The following CCDC102B variants were observed in gnomAD, a reference collection of about 807,000 sequenced individuals.
CCDC102B encodes coiled-coil domain-containing protein 102B.
A neutral mutation model predicts 57.4 loss-of-function variants in CCDC102B; 75 were observed. The observed-to-expected ratio is 1.31, with a 90% CI of 1.08 to 1.58. CCDC102B has a LOEUF of 1.58. CCDC102B is among the 40% of genes most tolerant of loss of function. The pLI is 0.00. For synonymous variants in CCDC102B, 206 were observed against 201.9 expected (o/e 1.02, Z -0.17); for missense variants, 636 against 582.6 (o/e 1.09, Z -0.94).
At chr18:68,775,115 C>T (rs1020163062) in intron 2 of CCDC102B, among the ~76,000 whole-genome samples, 1 of 150,876 alleles carries the variant, frequency 6.6e-6, no homozygotes, top group Non-Finnish European at 1.5e-5. Context: ...TTTTTTACAA[C>T]TGGAGATTAT....
intron 6 of CCDC102B, among the ~76,000 whole-genome samples, chr18:68,926,350 TTA>T (rs1408804782): frequency 6.6e-6 from 1 of 151,870 alleles, no homozygotes; most frequent in Non-Finnish European, 1.5e-5. Flanking sequence ...AAATTGTCTA[TTA>T]TGTTTTTGCA....
At chr18:68,940,019 T>C (rs180714278) in intron 6 of CCDC102B, among the ~76,000 whole-genome samples, 1 of 151,950 alleles carries the variant, frequency 6.6e-6, no homozygotes, top group East Asian at 1.9e-4. Context: ...ATTTCCATTT[T>C]TTCCAGGTCA....
At chr18:68,765,410 AGGAAAG>A (rs2034435496) in intron 2 of CCDC102B, among the ~76,000 whole-genome samples, 1 of 151,204 alleles carries the variant, frequency 6.6e-6, no homozygotes, top group African/African-American at 2.4e-5. Context: ...GAAGGAAGGA[AGGAAAG>A]AGAAAGAGAA....
chr18:68,761,200 T>A (rs1447946652), intron 2 of CCDC102B, among the ~76,000 whole-genome samples: 1 of 152,134 alleles, frequency 6.6e-6, no homozygotes, highest in African/African-American at 2.4e-5. Context: ...TCAAACAAAT[T>A]TCATGGCCTC....
At chr18:68,935,363 G>C (rs186451013) in intron 6 of CCDC102B, among the ~76,000 whole-genome samples, 1 of 152,102 alleles carries the variant, frequency 6.6e-6, no homozygotes, top group East Asian at 1.9e-4. Flanking sequence ...GGTAACAAGA[G>C]GAAGAGTGGA....
At chr18:68,977,867 T>A (rs543692305) in intron 6 of CCDC102B, among the ~76,000 whole-genome samples, 1 of 152,130 alleles carries the variant, frequency 6.6e-6, no homozygotes, top group South Asian at 2.1e-4. Flanking sequence ...AGTCTATTAA[T>A]CTTTGTTTTG....
At chr18:68,737,168 C>T (rs1320740014) in intron 2 of CCDC102B, among the ~76,000 whole-genome samples, 1 of 151,964 alleles carries the variant, frequency 6.6e-6, no homozygotes, top group African/African-American at 2.4e-5. Context: ...TTGAGTTTTA[C>T]CAGCAGGGGG....
chr18:68,880,838 T>G (rs1247732091), intron 5 of CCDC102B, among the ~76,000 whole-genome samples: 2 of 152,222 alleles, frequency 1.3e-5, no homozygotes, highest in African/African-American at 4.8e-5. Context: ...ATTGGAACAA[T>G]TATTTCTAAC....
chr18:69,032,408 C>T (rs1035551242), intron 7 of CCDC102B, among the ~76,000 whole-genome samples: 2 of 152,134 alleles, frequency 1.3e-5, no homozygotes, highest in Non-Finnish European at 2.9e-5. Context: ...ATTTTGTCTT[C>T]CTTTGGTGTT....
At chr18:68,782,589 G>A (rs562806826) in intron 2 of CCDC102B, among the ~76,000 whole-genome samples, 1 of 151,434 alleles carries the variant, frequency 6.6e-6, no homozygotes, top group East Asian at 1.9e-4. Flanking sequence ...AGCTTTTTTC[G>A]ATCTGGATCA....
At chr18:69,010,655 T>C (rs1158647604) in intron 6 of CCDC102B, among the ~76,000 whole-genome samples, 1 of 152,190 alleles carries the variant, frequency 6.6e-6, no homozygotes, top group Non-Finnish European at 1.5e-5. Flanking sequence ...GATTTCCTTT[T>C]GGGGGAAGGT....
At chr18:68,760,499 T>C (rs1249758358) in intron 2 of CCDC102B, among the ~76,000 whole-genome samples, 1 of 152,130 alleles carries the variant, frequency 6.6e-6, no homozygotes, top group Non-Finnish European at 1.5e-5. Flanking sequence ...ACACTTTTGT[T>C]GTACCAGGTG....
chr18:68,843,490 G>A (rs1284910529), intron 3 of CCDC102B, among the ~76,000 whole-genome samples: 1 of 151,872 alleles, frequency 6.6e-6, no homozygotes, highest in African/African-American at 2.4e-5. Flanking sequence ...CAATTATTGT[G>A]GAATTGTGAC....
At chr18:68,826,828 C>A (rs2036922183) in intron 1 of CCDC102B, among the ~76,000 whole-genome samples, 1 of 152,062 alleles carries the variant, frequency 6.6e-6, no homozygotes, top group Admixed American at 6.6e-5. Context: ...CCTGATTGAT[C>A]ACATTCATTG....
intron 4 of CCDC102B, among the ~76,000 whole-genome samples, chr18:68,848,238 A>T (rs1418398924): frequency 6.6e-6 from 1 of 151,920 alleles, no homozygotes; most frequent in Non-Finnish European, 1.5e-5. Context: ...GTGTGTCATG[A>T]TTCATTCTTT....
At chr18:68,725,252 G>C (rs370601648) in intron 2 of CCDC102B, among the ~76,000 whole-genome samples, 1 of 152,210 alleles carries the variant, frequency 6.6e-6, no homozygotes, top group South Asian at 2.1e-4. Context: ...GGTAGATTCT[G>C]TGTCACTGCA....
chr18:68,922,556 A>G (rs1203105259), intron 6 of CCDC102B, among the ~76,000 whole-genome samples: 3 of 152,146 alleles, frequency 2.0e-5, no homozygotes, highest in African/African-American at 7.2e-5. Flanking sequence ...CATGCACAAG[A>G]CAAGTCTGCA....
At chr18:69,056,382 A>G (rs896127406), downstream of CCDC102B, among the ~76,000 whole-genome samples, 6 of 152,024 alleles carry the variant, frequency 3.9e-5, no homozygotes, top group South Asian at 2.1e-4. Flanking sequence ...TGTGGTCAAA[A>G]TGGTGGTTCT....
chr18:68,857,041 A>AAT (rs1372227031), intron 4 of CCDC102B, among the ~76,000 whole-genome samples: 2 of 124,608 alleles, frequency 1.6e-5, no homozygotes, highest in African/African-American at 3.0e-5. Context: ...ATTTATATAT[A>AAT]ATATATAATA....
Sources: gnomAD v4.1 joint callset for allele counts (sites outside exome capture counted in the v4.1 genomes callset) on GRCh38, gnomAD v4.1.1 for gene constraint, MANE v1.5 for transcripts, NCBI Gene and HGNC (gene_info 2026-07-23, HGNC 2026-07-21) for gene names.